The following RRBP1 variants were observed in gnomAD, a reference collection of about 807,000 sequenced individuals.
The protein encoded by RRBP1 is ribosome binding protein 1, also known as ribosome-binding protein 1.
In RRBP1, 94 loss-of-function variants were observed where a neutral mutation model predicts 165.2. That is an observed-to-expected ratio of 0.57 (90% CI 0.48 to 0.68). RRBP1 has a LOEUF of 0.68. Ranked by LOEUF, RRBP1 falls within the 30% of genes least tolerant of loss-of-function variation. The pLI, the probability that RRBP1 is intolerant of heterozygous loss-of-function variation, is 0.00. For synonymous variants in RRBP1, 680 were observed against 714.5 expected (o/e 0.95, Z 0.77); for missense variants, 1,676 against 1,763.0 (o/e 0.95, Z 0.88).
At chr20:17,619,505 A>G in intron 19 of RRBP1, 128 bp downstream of exon 19, 2 of 615,262 alleles carry the variant, frequency 3.3e-6, no homozygotes, top group South Asian at 4.8e-5. Context: ...CTTCGGGCAA[A>G]CGCCTGAGGA....
intron 9 of RRBP1, among the ~76,000 whole-genome samples, chr20:17,628,818 G>C (rs762182671): frequency 6.6e-6 from 1 of 152,230 alleles, no homozygotes; most frequent in Non-Finnish European, 1.5e-5. Context: ...GGAAGCTGGG[G>C]CCGTGCCTCC....
intron 4 of RRBP1, among the ~76,000 whole-genome samples, chr20:17,642,299 G>A (rs867525836): frequency 5.9e-5 from 9 of 152,212 alleles, no homozygotes; most frequent in Non-Finnish European, 1.0e-4. Context: ...TCTGAGGACA[G>A]TGACCTGAGG....
Position 17,620,335 on chromosome 20 carries a change from T to C in RRBP1, c.3543A>G (p.Val1181=), listed in dbSNP as rs1486393782. 8 of 1,613,580 alleles carry C rather than the reference T, an allele frequency of 5.0e-6. No homozygotes were observed. The Admixed American group carries it at 8.3e-5, about 17-fold the overall frequency. The change falls in exon 18 of 25, where the codon GTA becomes GTG. Residue 1181 remains valine, a synonymous_variant. Coordinates refer to ENST00000377813, the MANE Select transcript of RRBP1 (RefSeq NM_001365613.2). ...RVTVKHLEEI[V]EKLKGELESS... ...TTTCAAGTTCTCCTTTTAGCTTCTC[T>C]ACAATCTCTTCGAGATGCTTCACTG...
chr20:17,639,703 G>A (rs1046080249), intron 5 of RRBP1, among the ~76,000 whole-genome samples: 15 of 152,080 alleles, frequency 9.9e-5, no homozygotes, highest in Non-Finnish European at 1.9e-4. Flanking sequence ...AGACCAGCCC[G>A]ACCAACATGG....
intron 5 of RRBP1, 40 bp downstream of exon 5, chr20:17,641,757 G>A (rs775829577): frequency 2.4e-5 from 39 of 1,607,050 alleles, no homozygotes; most frequent in African/African-American, 2.1e-4. Context: ...CTCTGAGGAC[G>A]GGAGAGGACA....
At chr20:17,637,331 G>A (rs1326313176) in intron 5 of RRBP1, among the ~76,000 whole-genome samples, 1 of 152,178 alleles carries the variant, frequency 6.6e-6, no homozygotes, top group Non-Finnish European at 1.5e-5. Context: ...GTCTCCAGCA[G>A]GGACAGAGCA....
In RRBP1 at chr20:17,615,536, G is replaced by A. The variant is rs747718621; in HGVS notation, c.3952-7C>T. The A allele has an allele frequency of 4.6e-5, 73 of 1,598,234 alleles. No individual in the cohort carries two copies. The highest frequency in any genetic ancestry group is 1.2e-4 in the South Asian group (11 of 88,436). ...GACATGCCGAGGTCTGAGCCTTGCCGGAGAGGGAAGTGAGGTCTGGGTGAG... is the reference window on the plus strand; with the variant it reads ...GACATGCCGAGGTCTGAGCCTTGCCAGAGAGGGAAGTGAGGTCTGGGTGAG... On this transcript the variant is annotated splice_polypyrimidine_tract_variant and splice_region_variant and intron_variant, in intron 22 of 24. Coordinates refer to ENST00000377813, the MANE Select transcript of RRBP1 (RefSeq NM_001365613.2).
rs1377436823 is a variant in RRBP1 at position 17,615,489 on chromosome 20, T to G, written c.3992A>C (p.Lys1331Thr). ...CTCTAGGGGGCCGGCTGTGCGGAGC[T>G]TCTCCAATTCTTCTTGTAACCGACA... ...SACRLQEELE[K>T]LRTAGPLESS... is the part of the protein sequence containing the mutation. Residue 1331 changes from lysine to threonine, a missense_variant, in exon 23 of 25, where the codon AAG (lysine) becomes ACG (threonine). By Grantham distance (78) the Lys-to-Thr change is moderately conservative. Transcript: ENST00000377813. The G allele has an allele frequency of 2.5e-6, 4 of 1,607,620 alleles. No individual in the cohort carries two copies. In the East Asian group the frequency reaches 9.0e-5, roughly 36 times the overall value.
intron 3 of RRBP1, among the ~76,000 whole-genome samples, chr20:17,646,359 C>T (rs764254749): frequency 1.3e-5 from 2 of 152,234 alleles, no homozygotes; most frequent in Non-Finnish European, 2.9e-5. Context: ...CCGTGGGCCA[C>T]GTCCAGTCTG....
chr20:17,664,778 C>T (rs1325819095), intron 2 of RRBP1, among the ~76,000 whole-genome samples: 1 of 152,090 alleles, frequency 6.6e-6, no homozygotes, highest in Admixed American at 6.6e-5. Flanking sequence ...CACGGGGGAC[C>T]GTGTGTGGAA....
intron 16 of RRBP1, among the ~76,000 whole-genome samples, chr20:17,621,099 T>C (rs1459058892): frequency 1.3e-5 from 2 of 152,152 alleles, no homozygotes; most frequent in Non-Finnish European, 2.9e-5. Flanking sequence ...AGTGTGTCAA[T>C]GGCCCAGGAC....
chr20:17,635,387 G>A (rs2036228728), intron 7 of RRBP1, among the ~76,000 whole-genome samples, 159 bp downstream of exon 7: 1 of 152,222 alleles, frequency 6.6e-6, no homozygotes, highest in Non-Finnish European at 1.5e-5. Context: ...AAGACTCAGG[G>A]GCCCAGAACC....
At chr20:17,615,355 C>G in intron 23 of RRBP1, 76 bp downstream of exon 23, 1 of 1,215,252 alleles carries the variant, frequency 8.2e-7, no homozygotes, top group African/African-American at 1.5e-5. Flanking sequence ...CTTCCTGGCC[C>G]CTTTCCGAGG....
chr20:17,620,835 C>T (rs762174822), intron 16 of RRBP1, 28 bp from the exon 17 acceptor site: 1 of 1,534,288 alleles, frequency 6.5e-7, no homozygotes, highest in Non-Finnish European at 8.9e-7. Context: ...TGAGGCAGGG[C>T]CCTCTCCCTC....
Position 17,643,388 on chromosome 20 carries a change from C to T in RRBP1, c.1913-261G>A, listed in dbSNP as rs901474710. Among the ~76,000 whole-genome samples the T allele has an allele frequency of 1.3e-5, 2 of 151,964 alleles. No homozygotes were observed. The highest frequency in any genetic ancestry group is 4.8e-5 in the African/African-American group (2 of 41,358). ...CCAGCCTGGGGTGGAAGTAGAGCTC[C>T]TCTTTTTTTTTTTCCACCATCAAGA... On this transcript the variant is annotated intron_variant, in intron 3 of 24. Transcript: ENST00000377813. This position sits in a 1 kb window ranked among gnomAD's most constrained non-coding sequence, Gnocchi z 4.3.
At chr20:17,635,759 GA>G in intron 6 of RRBP1, 95 bp from the exon 7 acceptor site, 1 of 916,692 alleles carries the variant, frequency 1.1e-6, no homozygotes, top group Non-Finnish European at 1.7e-6. Flanking sequence ...GCCCACAAAA[GA>G]AAACCCCCAA....
At chr20:17,625,671 G>T in intron 11 of RRBP1, 69 bp from the exon 12 acceptor site, 3 of 1,306,506 alleles carry the variant, frequency 2.3e-6, no homozygotes, top group Non-Finnish European at 3.3e-6. Context: ...CCCACCTGAG[G>T]CCCCATCCAG....
At chr20:17,656,645 A>C (rs2036650696) in intron 3 of RRBP1, among the ~76,000 whole-genome samples, 1 of 152,208 alleles carries the variant, frequency 6.6e-6, no homozygotes, top group East Asian at 1.9e-4. Flanking sequence ...AGACGTTCAC[A>C]CATTGACAGG....
chr20:17,664,084 C>T (rs949926972), intron 2 of RRBP1, among the ~76,000 whole-genome samples: 1 of 152,084 alleles, frequency 6.6e-6, no homozygotes, highest in South Asian at 2.1e-4. Context: ...AGCCACAGTA[C>T]GAGATTAACA....
Sources: gnomAD v4.1 joint callset for allele counts (sites outside exome capture counted in the v4.1 genomes callset) on GRCh38, gnomAD v4.1.1 for gene constraint, Gnocchi (gnomAD v3.1) non-coding constraint, MANE v1.5 for transcripts, NCBI Gene and HGNC (gene_info 2026-07-23, HGNC 2026-07-21) for gene names.